The following ADCY10 variants were observed in gnomAD, a reference collection of about 807,000 sequenced individuals.
ADCY10 encodes the protein adenylate cyclase 10.
In ADCY10, 156 loss-of-function variants were observed where a neutral mutation model predicts 183.3. The observed-to-expected ratio is 0.85, with a 90% CI of 0.75 to 0.97. ADCY10 has a LOEUF of 0.97. ADCY10 is among the 50% of genes least tolerant of loss of function. ADCY10 has a pLI of 0.00. For synonymous variants in ADCY10, 645 were observed against 670.0 expected, an observed-to-expected ratio of 0.96 and a Z score of 0.58; for missense variants, 1,745 against 1,934.3, an observed-to-expected ratio of 0.90 and a Z score of 1.84.
At chr1:167,829,789 G>A (rs1475647615) in intron 25 of ADCY10, among the ~76,000 whole-genome samples, 1 of 152,202 alleles carries the variant, frequency 6.6e-6, no homozygotes. Context: ...TTTTACATTT[G>A]AGGAAGGTGA....
At chr1:167,860,035 C>A (rs1666182318) in intron 15 of ADCY10, 142 bp from the exon 16 acceptor site, 3 of 703,600 alleles carry the variant, frequency 4.3e-6, no homozygotes, top group Non-Finnish European at 7.6e-6. Flanking sequence ...CTTTTTGGCA[C>A]CAGGGACTAG....
At chr1:167,870,234 A>C in intron 14 of ADCY10, 23 bp downstream of exon 14, 1 of 1,613,902 alleles carries the variant, frequency 6.2e-7, no homozygotes, top group Non-Finnish European at 8.5e-7. Context: ...GTTCACACAG[A>C]ACAATCATTC....
In ADCY10 at chr1:167,905,738, ATG is replaced by A. The variant is rs112291022; in HGVS notation, c.-58-542_-58-541del. Among the ~76,000 whole-genome samples the A allele has an allele frequency of 9.4e-4, 140 of 148,358 alleles. 1 individual carries two copies. The highest frequency in any genetic ancestry group is 2.0e-3 in the African/African-American group (82 of 40,778). ...ATAAATGGAAGAAAAGAGTTCAGAA[ATG>A]TGTGTGTGTGTGTGTGTGTGTGGCA... On this transcript the variant is annotated intron_variant, in intron 1 of 32. Coordinates refer to ENST00000367851, the MANE Select transcript of ADCY10 (RefSeq NM_018417.6).
chr1:167,904,663 T>TTC, intron 2 of ADCY10: 1 of 588,634 alleles, frequency 1.7e-6, no homozygotes, highest in East Asian at 2.8e-5. Flanking sequence ...GGGAGATCAT[T>TTC]TCCTGAGGTC....
In ADCY10 at chr1:167,891,427, C is replaced by T. The variant is rs538903336; in HGVS notation, c.828+2426G>A. 1.1e-4 allele frequency among the ~76,000 whole-genome samples: 17 copies of T among 151,654 alleles called. No homozygotes were observed. In the South Asian group the frequency reaches 3.3e-3, roughly 30 times the overall value. ...ATCCCAGCACTTTGGGAGGCTGAGG[C>T]GGGAAGATCACGAGGTCAGGAGATC... is the stretch of plus-strand genomic sequence containing the variant. On this transcript the variant is annotated intron_variant, in intron 8 of 32. Coordinates refer to ENST00000367851, the MANE Select transcript of ADCY10 (RefSeq NM_018417.6).
Position 167,905,200 on chromosome 1 carries a change from T to C in ADCY10, c.-58-2A>G. The C allele has an allele frequency of 1.9e-6, 3 of 1,580,056 alleles. No homozygotes were observed. In the South Asian group the frequency reaches 3.3e-5, roughly 17 times the overall value. On this transcript the variant is annotated splice_acceptor_variant, in intron 1 of 32. Coordinates refer to ENST00000367851, the MANE Select transcript of ADCY10 (RefSeq NM_018417.6). LOFTEE classifies it low-confidence loss of function (5UTR_SPLICE). Reference sequence around the variant, plus strand: ...GGAAGCAGTCTCCAAATAGGTCTTCTAAAAAGAAAATTGAAATAGAGGAAA... The same window carrying C: ...GGAAGCAGTCTCCAAATAGGTCTTCCAAAAAGAAAATTGAAATAGAGGAAA...
rs199965059 is a variant in ADCY10, at chr1:167,880,605, C to A, written c.1025G>T (p.Cys342Phe). ...GAAGCCAAAGACACAGAGGAAAGAG[C>A]AGCCCTGTGAGGGAGAGAGACAGCA... Reference protein sequence around the residue: ...INKVFMFDKGCSFLCVFGFPG... With the variant: ...INKVFMFDKGFSFLCVFGFPG... The change falls in exon 10 of 33, where the codon TGC (cysteine) becomes TTC (phenylalanine). Residue 342 changes from cysteine to phenylalanine, a missense_variant. Physicochemically the swap from Cys to Phe is radical, Grantham distance 205 (BLOSUM62 -2). Coordinates refer to ENST00000367851, the MANE Select transcript of ADCY10 (RefSeq NM_018417.6). 105 of 1,610,932 alleles carry A rather than the reference C, an allele frequency of 6.5e-5. No individual in the cohort carries two copies. The highest frequency in any genetic ancestry group is 8.6e-5 in the Non-Finnish European group (101 of 1,177,244).
chr1:167,825,165 C>A (rs1422078369), intron 26 of ADCY10, among the ~76,000 whole-genome samples: 1 of 152,086 alleles, frequency 6.6e-6, no homozygotes, highest in Non-Finnish European at 1.5e-5. Flanking sequence ...AAAAAGGCTG[C>A]AAGGATACAC....
At chr1:167,827,468 C>T (rs1304203661) in intron 26 of ADCY10, among the ~76,000 whole-genome samples, 1 of 150,452 alleles carries the variant, frequency 6.6e-6, no homozygotes. Context: ...GCCCGGCCTG[C>T]TGATTTAATG....
chr1:167,888,861 G>A (rs1199063122), intron 8 of ADCY10, among the ~76,000 whole-genome samples: 1 of 132,990 alleles, frequency 7.5e-6, no homozygotes, highest in Non-Finnish European at 1.6e-5. Context: ...GGGCGAAAGA[G>A]GGAGACTCCG....
intron 2 of ADCY10, 178 bp downstream of exon 2, chr1:167,904,813 TGA>T: frequency 1.3e-6 from 1 of 751,232 alleles, no homozygotes; most frequent in Non-Finnish European, 2.3e-6. Flanking sequence ...TAAGGGAGGA[TGA>T]GAGAGAGCCA....
chr1:167,823,194 AG>A, intron 28 of ADCY10, 71 bp from the exon 29 acceptor site: 1 of 1,318,726 alleles, frequency 7.6e-7, no homozygotes, highest in Non-Finnish European at 1.1e-6. Flanking sequence ...TGGGAGGCTG[AG>A]GTGGGTGGAT....
intron 28 of ADCY10, among the ~76,000 whole-genome samples, chr1:167,823,404 AAAAGAGCGAAACTCCATCTC>A (rs1170237551): frequency 6.7e-6 from 1 of 149,684 alleles, no homozygotes; most frequent in Non-Finnish European, 1.5e-5. Context: ...CAGCCTGGGC[AAAAGAGCGAAACTCCATCTC>A]AAAAAAAAAA....
Position 167,903,879 on chromosome 1 carries a change from A to C in ADCY10, c.253+8T>G. On this transcript the variant is annotated splice_region_variant and intron_variant, in intron 3 of 32. Transcript: ENST00000367851. ...ATTCTCAAGCCAGAAACCTATGGGA[A>C]CACTTACTCTCCACTATTGCACTTA... is the stretch of plus-strand genomic sequence containing the variant. The C allele has an allele frequency of 6.3e-7, 1 of 1,594,842 alleles. No individual in the cohort carries two copies. Among genetic ancestry groups the C allele is most frequent in the Non-Finnish European group, 8.6e-7 (1 of 1,162,476 alleles).
chr1:167,902,165 G>C, intron 3 of ADCY10, 111 bp from the exon 4 acceptor site: 2 of 1,076,046 alleles, frequency 1.9e-6, no homozygotes, highest in South Asian at 2.6e-5. Context: ...GTGATTCAGA[G>C]AATAGGCTTA....
At position 167,854,508 on chromosome 1, in the gene ADCY10, A is replaced by G. The variant is rs771518379; in HGVS notation, c.2172-19T>C. The G allele has an allele frequency of 6.2e-7, 1 of 1,613,912 alleles. No homozygotes were observed. The highest frequency in any genetic ancestry group is 1.3e-5 in the African/African-American group (1 of 74,932). On this transcript the variant is annotated intron_variant, in intron 17 of 32. Transcript: ENST00000367851. ...CAGGTACCTGTAGTGAAAACAAGGC[A>G]ATCTGTTTACATTGAAGATACATCT...
In ADCY10 at chr1:167,903,886, C is replaced by T. The variant is rs772865627; in HGVS notation, c.253+1G>A. 5.6e-6 allele frequency: 9 copies of T among 1,605,170 alleles called. No homozygotes were observed. Among genetic ancestry groups the T allele is most frequent in the Non-Finnish European group, 5.1e-6 (6 of 1,171,932 alleles). On this transcript the variant is annotated splice_donor_variant, in intron 3 of 32. Coordinates refer to ENST00000367851, the MANE Select transcript of ADCY10 (RefSeq NM_018417.6). LOFTEE classifies it high-confidence loss of function. Reference sequence around the variant, plus strand: ...AGCCAGAAACCTATGGGAACACTTACTCTCCACTATTGCACTTATGTGGTA... The same window carrying T: ...AGCCAGAAACCTATGGGAACACTTATTCTCCACTATTGCACTTATGTGGTA...
intron 1 of ADCY10, among the ~76,000 whole-genome samples, chr1:167,913,623 A>G (rs531590642): frequency 2.6e-5 from 4 of 152,202 alleles, no homozygotes; most frequent in African/African-American, 7.2e-5. Flanking sequence ...CATCTTCTAC[A>G]TATCTTTGTT....
chr1:167,824,470 A>C lies in ADCY10; in HGVS notation c.4052+6T>G, dbSNP rs780928391. On this transcript the variant is annotated splice_donor_region_variant and intron_variant, in intron 28 of 32. Transcript: ENST00000367851. ...CTAATTTTGGAAAATGCTTTAAGAT[A>C]AATACCTGCTGTTCAGAAGGAGACA... is the stretch of plus-strand genomic sequence containing the variant. The C allele has an allele frequency of 6.2e-7, 1 of 1,613,156 alleles. No homozygotes were observed. The highest frequency in any genetic ancestry group is 1.1e-5 in the South Asian group (1 of 91,016).
Sources: gnomAD v4.1 joint callset for allele counts (sites outside exome capture counted in the v4.1 genomes callset) on GRCh38, gnomAD v4.1.1 for gene constraint, MANE v1.5 for transcripts, NCBI Gene and HGNC (gene_info 2026-07-23, HGNC 2026-07-21) for gene names.